ROBO2: variants seen among roughly 807,000 people sequenced by gnomAD.
ROBO2 encodes roundabout homolog 2.
A neutral mutation model predicts 160.8 loss-of-function variants in ROBO2; 53 were observed. That is an observed-to-expected ratio of 0.33 (90% confidence interval 0.26 to 0.41). ROBO2 has a LOEUF of 0.41. ROBO2 is among the 10% of genes least tolerant of loss of function. The probability of loss-of-function intolerance (pLI) is 1.00; values close to 1 mark genes in which losing one functional copy is unlikely to be tolerated. For synonymous variants in ROBO2, 664 were observed against 611.7 expected, an observed-to-expected ratio of 1.09 and a Z score of -1.26; for missense variants, 1,577 against 1,722.4, an observed-to-expected ratio of 0.92 and a Z score of 1.49.
At chr3:77,641,844 A>G (rs1164698410) in intron 24 of ROBO2, among the ~76,000 whole-genome samples, 1 of 152,174 alleles carries the variant, frequency 6.6e-6, no homozygotes, top group Non-Finnish European at 1.5e-5. Flanking sequence ...AGAGTTAATA[A>G]AAGAGAGATG....
chr3:75,997,147 T>C (rs1295208236), intron 2 of ROBO2, among the ~76,000 whole-genome samples: 5 of 152,210 alleles, frequency 3.3e-5, no homozygotes, highest in Non-Finnish European at 7.4e-5. Flanking sequence ...AAGTATTTGC[T>C]CTAAATGACA....
chr3:76,058,645 CT>C (rs551924637), intron 2 of ROBO2, among the ~76,000 whole-genome samples: 129 of 106,442 alleles, frequency 1.2e-3, no homozygotes, highest in African/African-American at 4.3e-3. Context: ...GTTTCCTTGC[CT>C]TTTTTTTTAA....
At chr3:76,988,243 A>G (rs2060490119) in intron 2 of ROBO2, among the ~76,000 whole-genome samples, 1 of 152,182 alleles carries the variant, frequency 6.6e-6, no homozygotes, top group African/African-American at 2.4e-5. Flanking sequence ...ATATACTGTA[A>G]ATCATGTCTT....
chr3:77,275,346 T>C (rs1439913007), intron 2 of ROBO2, among the ~76,000 whole-genome samples: 3 of 152,160 alleles, frequency 2.0e-5, no homozygotes, highest in Admixed American at 6.5e-5. Context: ...CGTTTTTAGG[T>C]AGAACTTTAA....
intron 2 of ROBO2, among the ~76,000 whole-genome samples, chr3:77,387,433 T>C (rs555884957): frequency 7.9e-5 from 12 of 151,838 alleles, no homozygotes; most frequent in Non-Finnish European, 1.3e-4. Context: ...TCAAGCACCA[T>C]GTTGGGTCCA....
chr3:76,262,173 T>A (rs1245587348), intron 2 of ROBO2, among the ~76,000 whole-genome samples: 4 of 152,116 alleles, frequency 2.6e-5, no homozygotes, highest in Non-Finnish European at 5.9e-5. Flanking sequence ...TATACTTCAG[T>A]AAACTAGACA....
intron 13 of ROBO2, among the ~76,000 whole-genome samples, chr3:77,570,144 G>T (rs572595396): frequency 6.6e-6 from 1 of 151,984 alleles, no homozygotes; most frequent in South Asian, 2.1e-4. Context: ...ATTCTCAATT[G>T]AAAAAAGTCT....
chr3:76,329,719 C>G (rs2073337052), intron 2 of ROBO2, among the ~76,000 whole-genome samples: 3 of 152,134 alleles, frequency 2.0e-5, no homozygotes, highest in Non-Finnish European at 4.4e-5. Context: ...AGACTGTTTT[C>G]TAAAAAATAA....
chr3:76,408,280 G>A (rs2075315443), intron 2 of ROBO2, among the ~76,000 whole-genome samples: 1 of 152,012 alleles, frequency 6.6e-6, no homozygotes, highest in Non-Finnish European at 1.5e-5. Context: ...CAGTTGGCAT[G>A]GGTAACAGTG....
At chr3:76,695,126 C>CA (rs1376690409) in intron 2 of ROBO2, among the ~76,000 whole-genome samples, 1 of 152,088 alleles carries the variant, frequency 6.6e-6, no homozygotes, top group East Asian at 1.9e-4. Context: ...AACAAAAACA[C>CA]AAAAAACTTA....
chr3:75,987,347 A>G (rs2065441542), intron 2 of ROBO2, among the ~76,000 whole-genome samples: 1 of 151,874 alleles, frequency 6.6e-6, no homozygotes, highest in Non-Finnish European at 1.5e-5. Flanking sequence ...CTGATTGTTC[A>G]TTGTTAGTAA....
chr3:77,095,707 AAT>A (rs1170335457), intron 1 of ROBO2, among the ~76,000 whole-genome samples: 1 of 152,182 alleles, frequency 6.6e-6, no homozygotes, highest in Non-Finnish European at 1.5e-5. Context: ...TTACATTGAG[AAT>A]ATGTTTCTGA....
At chr3:76,183,997 TA>T (rs752165036) in intron 2 of ROBO2, among the ~76,000 whole-genome samples, 14 of 152,112 alleles carry the variant, frequency 9.2e-5, no homozygotes, top group Non-Finnish European at 2.1e-4. Flanking sequence ...ATGATAGTAG[TA>T]AAAAAGACCT....
chr3:77,546,370 C>G, exon 7 of ROBO2: 1 of 1,613,194 alleles, frequency 6.2e-7, no homozygotes, highest in Non-Finnish European at 8.5e-7. Flanking sequence ...GCCAAGAGAT[C>G]AGATTGTTGC....
chr3:77,500,990 G>A (rs929508846), intron 5 of ROBO2, among the ~76,000 whole-genome samples: 1 of 152,182 alleles, frequency 6.6e-6, no homozygotes, highest in Non-Finnish European at 1.5e-5. Flanking sequence ...GTGTGTGTGG[G>A]CAGAGCCAAG....
chr3:76,656,424 C>T (rs778956123), intron 2 of ROBO2, among the ~76,000 whole-genome samples: 1 of 152,046 alleles, frequency 6.6e-6, no homozygotes, highest in Non-Finnish European at 1.5e-5. Context: ...CTACACATAG[C>T]ACTATTAATC....
At position 76,567,632 on chromosome 3, in the gene ROBO2, T is replaced by TATATATATAC. The variant is rs1553805627; in HGVS notation, c.110-530373_110-530372insCATATATATA. Reference sequence around the variant, plus strand: ...ATACCAAACTACTGATATATATATATATATATATATATATATATATACACA... The same window carrying TATATATATAC: ...ATACCAAACTACTGATATATATATATATATATATACATATATATATATATATATATACACA... On this transcript the variant is annotated intron_variant, in intron 2 of 26. Coordinates refer to the ROBO2 transcript ENST00000487694. 7.6e-5 allele frequency among the ~76,000 whole-genome samples: 6 copies of TATATATATAC among 79,118 alleles called. 2 individuals carry two copies. The highest frequency in any genetic ancestry group is 3.4e-4 in the East Asian group (1 of 2,972). 51.9% of individuals were successfully genotyped at this position (79,118 alleles called of 152,430 possible).
At chr3:77,437,893 G>A (rs572720813) in intron 2 of ROBO2, among the ~76,000 whole-genome samples, 3 of 151,884 alleles carry the variant, frequency 2.0e-5, no homozygotes, top group South Asian at 2.1e-4. Context: ...TATATCAGTC[G>A]GTATGCCACA....
intron 2 of ROBO2, among the ~76,000 whole-genome samples, chr3:76,094,018 C>T (rs921283402): frequency 6.6e-6 from 1 of 151,952 alleles, no homozygotes; most frequent in Non-Finnish European, 1.5e-5. Flanking sequence ...AGCTATGGAC[C>T]AAATATGTGC....
Sources: gnomAD v4.1 joint callset for allele counts (sites outside exome capture counted in the v4.1 genomes callset) on GRCh38, gnomAD v4.1.1 for gene constraint, MANE v1.5 for transcripts, NCBI Gene and HGNC (gene_info 2026-07-23, HGNC 2026-07-21) for gene names.